The following RYR2 variants were observed in gnomAD, a reference collection of about 807,000 sequenced individuals.
RYR2 encodes cardiac muscle ryanodine receptor-calcium release channel.
RYR2 carries 227 observed loss-of-function variants against 601.1 expected under a neutral mutation model. That is an observed-to-expected ratio of 0.38 (90% CI 0.34 to 0.42). RYR2 has a LOEUF of 0.42. Ranked by LOEUF, RYR2 falls within the 10% of genes least tolerant of loss-of-function variation. The pLI is 1.00. For missense variants in RYR2, 4,646 were observed against 6,156.5 expected (o/e 0.75, Z 8.21); for synonymous variants, 2,223 against 2,175.1 (o/e 1.02, Z -0.61).
chr1:237,211,127 G>A (rs1682529012), intron 1 of RYR2, among the ~76,000 whole-genome samples: 1 of 152,148 alleles, frequency 6.6e-6, no homozygotes, highest in Non-Finnish European at 1.5e-5. Context: ...TGACACGGAC[G>A]CGGATGCATT....
intron 79 of RYR2, among the ~76,000 whole-genome samples, chr1:237,737,789 C>T (rs1222100812): frequency 6.6e-6 from 1 of 152,168 alleles, no homozygotes; most frequent in African/African-American, 2.4e-5. Flanking sequence ...TTCAATCCAT[C>T]TAAACATACT....
chr1:237,696,584 C>T (rs923128708), intron 63 of RYR2, among the ~76,000 whole-genome samples: 1 of 151,038 alleles, frequency 6.6e-6, no homozygotes, highest in Non-Finnish European at 1.5e-5. Context: ...CATCTTTACC[C>T]GAATTACTAA....
chr1:237,366,484 C>T (rs1012904710), intron 5 of RYR2, among the ~76,000 whole-genome samples: 5 of 152,056 alleles, frequency 3.3e-5, no homozygotes, highest in African/African-American at 1.2e-4. Flanking sequence ...TCACTGCAAC[C>T]TGGAACTCCT....
chr1:237,228,443 C>A (rs769939146), intron 1 of RYR2, among the ~76,000 whole-genome samples: 24 of 152,116 alleles, frequency 1.6e-4, no homozygotes, highest in African/African-American at 5.3e-4. Flanking sequence ...CATGCATGTG[C>A]AAGTATCTTT....
intron 3 of RYR2, among the ~76,000 whole-genome samples, chr1:237,331,784 G>A (rs951953136): frequency 6.6e-6 from 1 of 151,950 alleles, no homozygotes; most frequent in African/African-American, 2.4e-5. Context: ...AAAGTGCTGG[G>A]ATTACAGGCG....
intron 1 of RYR2, among the ~76,000 whole-genome samples, chr1:237,178,984 AC>A (rs1572110811): frequency 6.6e-6 from 1 of 152,216 alleles, no homozygotes; most frequent in East Asian, 1.9e-4. Context: ...GACCATTGCC[AC>A]CTTTGTTGTA....
chr1:237,641,390 T>C (rs1040713464), intron 47 of RYR2, among the ~76,000 whole-genome samples: 2 of 152,160 alleles, frequency 1.3e-5, no homozygotes, highest in African/African-American at 4.8e-5. Context: ...GTGTTTGCCA[T>C]CGTTTTAGGG....
chr1:237,296,912 T>C (rs2149440165), intron 2 of RYR2, among the ~76,000 whole-genome samples: 1 of 152,346 alleles, frequency 6.6e-6, no homozygotes, highest in South Asian at 2.1e-4. Flanking sequence ...ATTCATTTAA[T>C]AGTGCATTAG....
intron 1 of RYR2, among the ~76,000 whole-genome samples, chr1:237,087,287 C>T (rs1666449068): frequency 6.6e-6 from 1 of 152,102 alleles, no homozygotes; most frequent in African/African-American, 2.4e-5. Context: ...TTTGTAGCAA[C>T]TCTGTTACAT....
chr1:237,086,786 G>A (rs1341288761), intron 1 of RYR2, among the ~76,000 whole-genome samples: 2 of 152,106 alleles, frequency 1.3e-5, no homozygotes, highest in African/African-American at 2.4e-5. Flanking sequence ...GCAGCGTTAT[G>A]GTTTGAGTAT....
At chr1:237,808,183 T>C (rs1210581923) in intron 99 of RYR2, among the ~76,000 whole-genome samples, 1 of 152,176 alleles carries the variant, frequency 6.6e-6, no homozygotes, top group Non-Finnish European at 1.5e-5. Context: ...CAAAGCAAGA[T>C]TTCTCAGTTT....
chr1:237,131,189 AT>A, intron 1 of RYR2, among the ~76,000 whole-genome samples: 1 of 152,074 alleles, frequency 6.6e-6, no homozygotes, highest in East Asian at 1.9e-4. Context: ...CCTGGGAGGA[AT>A]TTGAAGTCTG....
intron 96 of RYR2, among the ~76,000 whole-genome samples, chr1:237,795,873 TACAC>T (rs57000176): frequency 0.031 from 4,399 of 140,638 alleles, 81 homozygotes; most frequent in East Asian, 0.05. Context: ...TATATATATA[TACAC>T]ATATATATAT....
chr1:237,787,954 G>A (rs1657858975), intron 91 of RYR2, 34 bp from the exon 92 acceptor site: 9 of 1,559,962 alleles, frequency 5.8e-6, no homozygotes, highest in South Asian at 1.2e-5. Flanking sequence ...TTTAGTTTCT[G>A]GAGAGCTTAT....
intron 4 of RYR2, among the ~76,000 whole-genome samples, chr1:237,361,960 T>G (rs1275044932): frequency 6.6e-6 from 1 of 152,204 alleles, no homozygotes. Flanking sequence ...CTACACTGAG[T>G]GGCTCATGCT....
rs772846797 is a variant in RYR2 at position 237,614,413 on chromosome 1, A to C, written c.5285A>C (p.Gln1762Pro). 37 of 1,613,888 alleles carry C rather than the reference A, an allele frequency of 2.3e-5. No individual in the cohort carries two copies. Among genetic ancestry groups the C allele is most frequent in the Non-Finnish European group, 2.8e-5 (33 of 1,179,878 alleles). Reference protein sequence around the residue: ...GLSTSLRPRMQFSSPSFVSIS... With the variant: ...GLSTSLRPRMPFSSPSFVSIS... ...AGCACCTCCCTCAGGCCACGGATGC[A>C]GTTTTCCTCCCCCAGTTTTGTAAGC... Residue 1762 changes from glutamine (Q) to proline (P), a missense_variant, in exon 37 of 105, where the codon CAG becomes CCG. Physicochemically the swap from Gln to Pro is moderately conservative, Grantham distance 76. This residue lies in a region of RYR2 where 1,807 missense variants were observed against 2,088.1 expected (regional missense o/e 0.87). Transcript: ENST00000366574. The surrounding 1 kb of genome is among the most constrained non-coding windows in gnomAD (Gnocchi z 4.3).
chr1:237,071,918 G>A (rs890496053), intron 1 of RYR2, among the ~76,000 whole-genome samples: 3 of 152,252 alleles, frequency 2.0e-5, no homozygotes, highest in African/African-American at 4.8e-5. Flanking sequence ...TGCCTTGAGC[G>A]TGGGTATACA....
chr1:237,742,722 A>G (rs904737760), intron 80 of RYR2, among the ~76,000 whole-genome samples: 3 of 152,114 alleles, frequency 2.0e-5, no homozygotes, highest in African/African-American at 7.2e-5. Context: ...TTGGTTTGAT[A>G]TTTTTTCCTG....
intron 12 of RYR2, among the ~76,000 whole-genome samples, chr1:237,440,391 A>G (rs143988111): frequency 1.7e-3 from 259 of 152,334 alleles, no homozygotes; most frequent in Non-Finnish European, 2.7e-3. Context: ...AAAAAGAATA[A>G]GAGACTAAAG....
Sources: allele counts gnomAD v4.1 joint callset (sites outside exome capture counted in the v4.1 genomes callset), GRCh38; gene constraint gnomAD v4.1.1; regional missense constraint gnomAD v4.1.1; non-coding constraint Gnocchi (gnomAD v3.1); transcripts MANE v1.5; gene names NCBI Gene and HGNC (gene_info 2026-07-23, HGNC 2026-07-21).